The following ADAMTSL1 variants were observed in gnomAD, a reference collection of about 807,000 sequenced individuals.
ADAMTSL1 encodes ADAMTS-like protein 1.
ADAMTSL1 carries 126 observed loss-of-function variants against 201.8 expected under a neutral mutation model. The ratio of observed to expected loss-of-function variants is 0.62; its 90% CI spans 0.54 to 0.72. The LOEUF (loss-of-function observed/expected upper bound fraction) is 0.72. ADAMTSL1 is among the 30% of genes least tolerant of loss of function. The pLI is 0.00. For synonymous variants in ADAMTSL1, 1,121 were observed against 903.4 expected, an observed-to-expected ratio of 1.24 and a Z score of -4.32; for missense variants, 2,679 against 2,277.8, an observed-to-expected ratio of 1.18 and a Z score of -3.59.
chr9:18,233,978 C>G (rs1830744250), intron 2 of ADAMTSL1, among the ~76,000 whole-genome samples: 2 of 152,122 alleles, frequency 1.3e-5, no homozygotes, highest in South Asian at 2.1e-4. Flanking sequence ...TGCATTCTGG[C>G]CAACATGTGA....
intron 2 of ADAMTSL1, among the ~76,000 whole-genome samples, chr9:18,448,252 T>C (rs143512240): frequency 1.3e-3 from 202 of 152,260 alleles, no homozygotes; most frequent in African/African-American, 4.7e-3. Context: ...AAGTTTGGCA[T>C]GGACAGTCAA....
intron 2 of ADAMTSL1, among the ~76,000 whole-genome samples, chr9:18,216,708 A>G (rs1320816458): frequency 9.1e-6 from 1 of 109,888 alleles, no homozygotes. Flanking sequence ...ATTCTCTTCC[A>G]TTTTCCTTTA....
At chr9:18,281,984 A>C (rs1832808502) in intron 2 of ADAMTSL1, among the ~76,000 whole-genome samples, 1 of 152,180 alleles carries the variant, frequency 6.6e-6, no homozygotes, top group Admixed American at 6.5e-5. Context: ...TTTTAGATTC[A>C]GGAGGTACCT....
chr9:18,498,503 AT>A (rs1259205668), intron 1 of ADAMTSL1, among the ~76,000 whole-genome samples: 1 of 151,948 alleles, frequency 6.6e-6, no homozygotes, highest in African/African-American at 2.4e-5. Context: ...TGCCTGGCTA[AT>A]TTTTTGTGTT....
chr9:18,522,803 G>A (rs957209975), intron 2 of ADAMTSL1, among the ~76,000 whole-genome samples: 1 of 152,006 alleles, frequency 6.6e-6, no homozygotes, highest in Non-Finnish European at 1.5e-5. Flanking sequence ...CTATTCCATG[G>A]TGTATATGCG....
chr9:18,138,214 T>C (rs1377096469), intron 1 of ADAMTSL1, among the ~76,000 whole-genome samples: 1 of 152,156 alleles, frequency 6.6e-6, no homozygotes, highest in Non-Finnish European at 1.5e-5. Flanking sequence ...TGTGTTCAAA[T>C]TGCTCTGTAA....
chr9:18,793,767 GAGCTTCT>G (rs1265136283), intron 19 of ADAMTSL1, among the ~76,000 whole-genome samples: 36 of 146,968 alleles, frequency 2.4e-4, no homozygotes, highest in African/African-American at 8.6e-4. Context: ...CCGGATCTCT[GAGCTTCT>G]GAGCTTCTCC....
chr9:17,994,413 A>G (rs938030818), intron 1 of ADAMTSL1, among the ~76,000 whole-genome samples: 1 of 152,166 alleles, frequency 6.6e-6, no homozygotes, highest in African/African-American at 2.4e-5. Context: ...TTAAAGACAC[A>G]CTGATGAAAG....
intron 17 of ADAMTSL1, among the ~76,000 whole-genome samples, chr9:18,775,480 C>T (rs1034651388): frequency 2.6e-5 from 4 of 152,176 alleles, no homozygotes; most frequent in African/African-American, 9.7e-5. Flanking sequence ...CACTCCATAA[C>T]TCTCTAACTC....
intron 24 of ADAMTSL1, 83 bp downstream of exon 24, chr9:18,888,126 AT>A (rs1829019495): frequency 7.1e-7 from 1 of 1,399,196 alleles, no homozygotes; most frequent in East Asian, 2.4e-5. Flanking sequence ...GAACAAAGAG[AT>A]TTCTGATCTC....
chr9:18,326,304 A>G (rs1416633002), intron 2 of ADAMTSL1, among the ~76,000 whole-genome samples: 2 of 152,182 alleles, frequency 1.3e-5, no homozygotes, highest in Admixed American at 6.5e-5. Flanking sequence ...GGAGGCACCA[A>G]GGAATTTTCT....
rs769107962 is a variant in ADAMTSL1, at chr9:18,817,074, A to G, written c.3806-35A>G. 3.7e-6 allele frequency: 6 copies of G among 1,604,144 alleles called. No homozygotes were observed. The South Asian group carries it at 5.6e-5, about 15-fold the overall frequency. Reference sequence around the variant, plus strand: ...GAGTGCCCCAATTTCCACAGTCACCACCAAGTAACATCTCATATTCTTTCT... The same window carrying G: ...GAGTGCCCCAATTTCCACAGTCACCGCCAAGTAACATCTCATATTCTTTCT... On this transcript the variant is annotated intron_variant, in intron 20 of 28. Coordinates refer to ENST00000380548, the MANE Select transcript of ADAMTSL1 (RefSeq NM_001040272.6).
chr9:18,242,314 T>C (rs556112784), intron 2 of ADAMTSL1, among the ~76,000 whole-genome samples: 7 of 152,100 alleles, frequency 4.6e-5, no homozygotes, highest in Non-Finnish European at 8.8e-5. Flanking sequence ...TCAAAAATCC[T>C]TTCTTAATAA....
Position 18,886,194 on chromosome 9 carries a change from A to G in ADAMTSL1, c.4250-1637A>G, listed in dbSNP as rs543164749. Among the ~76,000 whole-genome samples, 13 of 135,012 alleles carry G rather than the reference A, an allele frequency of 9.6e-5. 1 individual carries two copies. The East Asian group carries it at 2.1e-3, about 22-fold the overall frequency. 88.6% of individuals were successfully genotyped at this position (135,012 alleles called of 152,430 possible). On this transcript the variant is annotated intron_variant, in intron 23 of 28. Transcript: ENST00000380548. ...TATATATATATATATATATATATATATATATATATATATATATACACACAC... is the reference window on the plus strand; with the variant it reads ...TATATATATATATATATATATATATGTATATATATATATATATACACACAC...
chr9:18,397,746 CTA>C (rs1014069901), intron 2 of ADAMTSL1, among the ~76,000 whole-genome samples: 1 of 152,148 alleles, frequency 6.6e-6, no homozygotes, highest in African/African-American at 2.4e-5. Context: ...ATGAAACACA[CTA>C]ATTTAAATTG....
At chr9:18,254,655 G>T (rs1044980306) in intron 2 of ADAMTSL1, among the ~76,000 whole-genome samples, 2 of 142,952 alleles carry the variant, frequency 1.4e-5, no homozygotes, top group Admixed American at 1.4e-4. Flanking sequence ...GAGCCACCGC[G>T]CCTGCCCCCC....
intron 8 of ADAMTSL1, among the ~76,000 whole-genome samples, chr9:18,658,267 C>A (rs1828846553): frequency 6.6e-6 from 1 of 152,208 alleles, no homozygotes; most frequent in Non-Finnish European, 1.5e-5. Flanking sequence ...AGCCACCGTG[C>A]CCGACCGAGG....
chr9:18,843,582 G>C (rs1462379068), intron 23 of ADAMTSL1, among the ~76,000 whole-genome samples: 1 of 150,460 alleles, frequency 6.6e-6, no homozygotes, highest in East Asian at 1.9e-4. Context: ...ATGTTGCCCT[G>C]CCTTGCTGGA....
intron 2 of ADAMTSL1, among the ~76,000 whole-genome samples, chr9:18,461,453 A>G (rs1034920798): frequency 3.3e-5 from 5 of 152,176 alleles, no homozygotes; most frequent in African/African-American, 1.2e-4. Context: ...TAATTAACAT[A>G]TGCATTACCT....
Sources: allele counts gnomAD v4.1 joint callset (sites outside exome capture counted in the v4.1 genomes callset), GRCh38; gene constraint gnomAD v4.1.1; transcripts MANE v1.5; gene names NCBI Gene and HGNC (gene_info 2026-07-23, HGNC 2026-07-21).